The following AGBL4 variants were observed in gnomAD, a reference collection of about 807,000 sequenced individuals.
The protein encoded by AGBL4 is AGBL carboxypeptidase 4.
AGBL4 carries 58 observed loss-of-function variants against 66.4 expected under a neutral mutation model. The observed-to-expected ratio is 0.87, with a 90% CI of 0.71 to 1.09. The LOEUF is 1.09. Ranked by LOEUF, AGBL4 falls within the 50% of genes least tolerant of loss-of-function variation. The pLI is 0.00. For synonymous variants in AGBL4, 234 were observed against 222.9 expected (o/e 1.05, Z -0.44); for missense variants, 579 against 631.0 (o/e 0.92, Z 0.88).
At chr1:48,564,218 G>A (rs183904614) in intron 11 of AGBL4, among the ~76,000 whole-genome samples, 23 of 152,128 alleles carry the variant, frequency 1.5e-4, no homozygotes, top group Admixed American at 9.2e-4. Context: ...TATCCAATCC[G>A]TTCTTATCAC....
intron 1 of AGBL4, among the ~76,000 whole-genome samples, chr1:49,956,138 G>A (rs1656586987): frequency 6.6e-6 from 1 of 151,752 alleles, no homozygotes; most frequent in Admixed American, 6.6e-5. Context: ...ACATAAATAT[G>A]TTTATTTTAT....
intron 2 of AGBL4, among the ~76,000 whole-genome samples, chr1:49,774,510 A>G (rs1279118289): frequency 1.3e-5 from 2 of 152,232 alleles, no homozygotes; most frequent in Admixed American, 1.3e-4. Context: ...GATGAGAGCC[A>G]GGCCACTGTA....
Position 49,179,251 on chromosome 1 carries a change from G to A in AGBL4, c.377+66519C>T, listed in dbSNP as rs571379218. Reference sequence around the variant, plus strand: ...CTATTGCAGTAGCTCAATGAGGAATGATAGTAACTTAAATACCAGTGGAGA... The same window carrying A: ...CTATTGCAGTAGCTCAATGAGGAATAATAGTAACTTAAATACCAGTGGAGA... On this transcript the variant is annotated intron_variant, in intron 4 of 13. Coordinates refer to ENST00000371839, the MANE Select transcript of AGBL4 (RefSeq NM_032785.4). Among the ~76,000 whole-genome samples, 19 of 152,216 alleles carry A rather than the reference G, an allele frequency of 1.2e-4. 1 individual carries two copies. The South Asian group carries it at 3.7e-3, about 30-fold the overall frequency.
At chr1:49,504,527 G>T (rs766803664) in intron 3 of AGBL4, among the ~76,000 whole-genome samples, 2 of 151,616 alleles carry the variant, frequency 1.3e-5, no homozygotes, top group Non-Finnish European at 2.9e-5. Flanking sequence ...CTCCAATTTT[G>T]GGGTGCATAT....
At chr1:48,683,726 T>C (rs1034230404) in intron 6 of AGBL4, among the ~76,000 whole-genome samples, 13 of 152,174 alleles carry the variant, frequency 8.5e-5, no homozygotes, top group African/African-American at 3.1e-4. Context: ...AAACATTAAG[T>C]TGTCAGGACT....
intron 1 of AGBL4, among the ~76,000 whole-genome samples, chr1:49,914,368 G>C (rs1176773642): frequency 6.6e-6 from 1 of 152,176 alleles, no homozygotes; most frequent in Non-Finnish European, 1.5e-5. Context: ...TTCAACCAAA[G>C]TCTTTGCAAC....
At chr1:49,574,309 T>TTTTAATGTTGCAGCTCACTGCC (rs1220641604) in intron 3 of AGBL4, among the ~76,000 whole-genome samples, 6 of 152,218 alleles carry the variant, frequency 3.9e-5, no homozygotes, top group African/African-American at 1.4e-4. Flanking sequence ...GGGACTCTGC[T>TTTTAATGTTGCAGCTCACTGCC]TTTAATGTTG....
chr1:48,842,874 C>A (rs1646836407), intron 6 of AGBL4, among the ~76,000 whole-genome samples: 1 of 151,930 alleles, frequency 6.6e-6, no homozygotes, highest in Non-Finnish European at 1.5e-5. Context: ...GCTACAACAT[C>A]AATGAACCAT....
intron 2 of AGBL4, among the ~76,000 whole-genome samples, chr1:49,826,692 T>C (rs1645518985): frequency 6.6e-6 from 1 of 152,224 alleles, no homozygotes; most frequent in South Asian, 2.1e-4. Context: ...AACTTGCCAA[T>C]TATTTTAGGA....
At chr1:49,526,544 G>C (rs1007963574) in intron 3 of AGBL4, among the ~76,000 whole-genome samples, 2 of 152,048 alleles carry the variant, frequency 1.3e-5, no homozygotes, top group Non-Finnish European at 2.9e-5. Flanking sequence ...CCCATTTGGA[G>C]AGTCAAATAT....
chr1:48,934,986 A>G (rs189908466), intron 5 of AGBL4, among the ~76,000 whole-genome samples: 155 of 152,260 alleles, frequency 1.0e-3, no homozygotes, highest in Non-Finnish European at 1.7e-3. Flanking sequence ...TCATATTTTC[A>G]GTCGTTCATT....
chr1:48,585,770 G>A (rs941293296), intron 11 of AGBL4: 1 of 152,176 alleles, frequency 6.6e-6, no homozygotes, highest in Non-Finnish European at 1.5e-5. Flanking sequence ...TACTTCCGAT[G>A]TTCCTGGCAA....
intron 5 of AGBL4, among the ~76,000 whole-genome samples, chr1:48,896,862 CA>C (rs1651567117): frequency 6.6e-6 from 1 of 151,786 alleles, no homozygotes; most frequent in Non-Finnish European, 1.5e-5. Context: ...GACAATGATA[CA>C]AAAGTACGTA....
chr1:49,260,451 C>T lies in AGBL4; in HGVS notation c.283-14587G>A, dbSNP rs548653211. Among the ~76,000 whole-genome samples, 1,272 of 151,586 alleles carry T rather than the reference C, an allele frequency of 8.4e-3. 13 individuals are homozygous for T. Among genetic ancestry groups the T allele is most frequent in the South Asian group, 0.04 (192 of 4,782 alleles). On this transcript the variant is annotated intron_variant, in intron 3 of 13. Transcript: ENST00000371839. Reference sequence around the variant, plus strand: ...AGAAAAGAGAGAAGAATCAAATAGACGCAATAAAAAATGATAAAGGGGATA... The same window carrying T: ...AGAAAAGAGAGAAGAATCAAATAGATGCAATAAAAAATGATAAAGGGGATA...
At chr1:49,701,843 G>A (rs895687013) in intron 2 of AGBL4, among the ~76,000 whole-genome samples, 2 of 152,030 alleles carry the variant, frequency 1.3e-5, no homozygotes, top group Non-Finnish European at 2.9e-5. Context: ...TAACCTAAAT[G>A]AAATGGCATT....
chr1:49,834,584 C>G (rs557122909), intron 2 of AGBL4, among the ~76,000 whole-genome samples: 1 of 152,146 alleles, frequency 6.6e-6, no homozygotes, highest in African/African-American at 2.4e-5. Context: ...TTCAGTTCTG[C>G]TCTGATCTTA....
rs376149877 is a variant in AGBL4 at position 50,023,852 on chromosome 1, G to T, written c.-56C>A. On this transcript the variant is annotated 5_prime_UTR_variant, in exon 1 of 14. Coordinates refer to ENST00000371839, the MANE Select transcript of AGBL4 (RefSeq NM_032785.4). ...CGAAGACCGCGGGGCAGTAGGGAGC[G>T]GGTGGTGGGATCAGTGGGCTGACAG... 6.5e-7 allele frequency: 1 copy of T among 1,532,304 alleles called. No individual in the cohort carries two copies. Among genetic ancestry groups the T allele is most frequent in the African/African-American group, 1.4e-5 (1 of 72,176 alleles). The allele number at this position is 1,532,304 out of a possible 1,614,324, so 94.9% of individuals were successfully genotyped here.
At position 48,736,686 on chromosome 1, in the gene AGBL4, G is replaced by A. The variant is rs934785805; in HGVS notation, c.635-73445C>T. On this transcript the variant is annotated intron_variant, in intron 6 of 13. Coordinates refer to ENST00000371839, the MANE Select transcript of AGBL4 (RefSeq NM_032785.4). The surrounding 1 kb of genome is among the most constrained non-coding windows in gnomAD (Gnocchi z 4.0). ...ATCTTAAATCTTCATGGCAATTGTGGATAGAAGGCATTATAACACCATTTT... is the reference window on the plus strand; with the variant it reads ...ATCTTAAATCTTCATGGCAATTGTGAATAGAAGGCATTATAACACCATTTT... Among the ~76,000 whole-genome samples the A allele has an allele frequency of 3.3e-5, 5 of 152,188 alleles. No individual in the cohort carries two copies. The highest frequency in any genetic ancestry group is 6.5e-5 in the Admixed American group (1 of 15,284).
At chr1:48,766,080 T>C (rs1198046696) in intron 6 of AGBL4, among the ~76,000 whole-genome samples, 1 of 152,312 alleles carries the variant, frequency 6.6e-6, no homozygotes, top group Middle Eastern at 3.4e-3. Context: ...AAAATTCACA[T>C]TGAATGAAAT....
Sources: gnomAD v4.1 joint callset for allele counts (sites outside exome capture counted in the v4.1 genomes callset) on GRCh38, gnomAD v4.1.1 for gene constraint, Gnocchi (gnomAD v3.1) non-coding constraint, MANE v1.5 for transcripts, NCBI Gene and HGNC (gene_info 2026-07-23, HGNC 2026-07-21) for gene names.